MID1: variants seen among roughly 807,000 people sequenced by gnomAD.
MID1 encodes E3 ubiquitin-protein ligase Midline-1.
Under a neutral mutation model 40.4 loss-of-function variants are expected in MID1, and 7 were observed. That is an observed-to-expected ratio of 0.17 (90% CI 0.10 to 0.33). MID1 has a LOEUF of 0.33. Among genes scored for constraint, MID1 ranks in the 10% least tolerant of loss-of-function variants. The probability of loss-of-function intolerance (pLI) is 1.00; values close to 1 mark genes in which losing one functional copy is unlikely to be tolerated. For missense variants in MID1, 367 were observed against 558.5 expected (o/e 0.66, Z 3.46); for synonymous variants, 229 against 221.2 (o/e 1.04, Z -0.31).
intron 1 of MID1, among the ~76,000 whole-genome samples, chrX:10,589,104 C>G (rs1303311953): frequency 2.7e-5 from 3 of 112,026 alleles, no homozygotes; most frequent in Non-Finnish European, 5.6e-5. Context: ...CACACACACA[C>G]TTTTGCAGTT....
intron 4 of MID1, among the ~76,000 whole-genome samples, chrX:10,490,872 T>C (rs1930908096): frequency 8.9e-6 from 1 of 112,301 alleles, no homozygotes; most frequent in South Asian, 3.7e-4. Context: ...TCTTCTGCTT[T>C]TAAATTTTTG....
In MID1 at chrX:10,726,654, C is replaced by T. The variant is rs775665351; in HGVS notation, c.-186-106235G>A. ...TTTAGAAAAGGATGGCATAACAGAA[C>T]CAAGTCCAAGAACAGCAGGGTTTAC... On this transcript the variant is annotated intron_variant, in intron 1 of 10. Coordinates refer to the MID1 transcript ENST00000380785. Among the ~76,000 whole-genome samples, 363 of 112,478 alleles carry T rather than the reference C, an allele frequency of 3.2e-3. 1 individual carries two copies. The highest frequency in any genetic ancestry group is 6.1e-3 in the Non-Finnish European group (327 of 53,301).
chrX:10,479,532 C>T (rs181607135), intron 5 of MID1, among the ~76,000 whole-genome samples: 34 of 110,909 alleles, frequency 3.1e-4, no homozygotes, highest in African/African-American at 1.0e-3. Context: ...CATCCTTCTA[C>T]TCTCTATGTC....
At chrX:10,474,530 A>G in intron 6 of MID1, 93 bp downstream of exon 6, 4 of 950,959 alleles carry the variant, frequency 4.2e-6, no homozygotes, top group Non-Finnish European at 3.0e-6. Flanking sequence ...TCAAAAGCCC[A>G]TTCCTCTGGT....
chrX:10,810,726 T>C lies in MID1; in HGVS notation c.-187+22828A>G, dbSNP rs867700932. Among the ~76,000 whole-genome samples the C allele has an allele frequency of 5.4e-5, 4 of 74,434 alleles. No homozygotes were observed. In the South Asian group the frequency reaches 2.1e-3, roughly 39 times the overall value. The allele number at this position is 74,434 out of a possible 115,157, so 64.6% of individuals were successfully genotyped here. A position where few individuals can be genotyped will look rare whatever the true frequency, so the allele number is the denominator to read the frequency against. On this transcript the variant is annotated intron_variant, in intron 1 of 10. Transcript: ENST00000380785. Reference sequence around the variant, plus strand: ...TGTGTGTGTGTGTGTGTGTGTGTGTTTGATAGTAGCCATGCCATTGGGTGT... The same window carrying C: ...TGTGTGTGTGTGTGTGTGTGTGTGTCTGATAGTAGCCATGCCATTGGGTGT...
In MID1 at chrX:10,738,960, A is replaced by C. The variant is rs189494383; in HGVS notation, c.-187+94594T>G. On this transcript the variant is annotated intron_variant, in intron 1 of 10. Transcript: ENST00000380785. Reference sequence around the variant, plus strand: ...TTTTCTACTAAAGGCAAAAAAAAAAAAAAGAAAGAAAGAAAGAAAGAAAAA... The same window carrying C: ...TTTTCTACTAAAGGCAAAAAAAAAACAAAGAAAGAAAGAAAGAAAGAAAAA... Among the ~76,000 whole-genome samples, 222 of 110,030 alleles carry C rather than the reference A, an allele frequency of 2.0e-3. 1 individual carries two copies. The highest frequency in any genetic ancestry group is 7.0e-3 in the African/African-American group (213 of 30,380).
At position 10,728,680 on chromosome X, in the gene MID1, C is replaced by T. The variant is rs2043417950; in HGVS notation, c.-187+104874G>A. ...TGGAGATGTTTGTGCAGCACATGCTCATTACTATGTCTGGCCCAAGTCAAT... is the reference window on the plus strand; with the variant it reads ...TGGAGATGTTTGTGCAGCACATGCTTATTACTATGTCTGGCCCAAGTCAAT... On this transcript the variant is annotated intron_variant, in intron 1 of 10. Coordinates refer to the MID1 transcript ENST00000380785. Among the ~76,000 whole-genome samples the T allele has an allele frequency of 4.5e-5, 5 of 111,765 alleles. No homozygotes were observed. The Admixed American group carries it at 4.8e-4, about 11-fold the overall frequency.
intron 1 of MID1, among the ~76,000 whole-genome samples, chrX:10,701,296 A>C (rs760419035): frequency 2.4e-4 from 27 of 112,037 alleles, no homozygotes; most frequent in Non-Finnish European, 4.9e-4. Flanking sequence ...GAAGATGTGC[A>C]AAAGTGGTGA....
intron 1 of MID1, among the ~76,000 whole-genome samples, chrX:10,730,633 A>G (rs999984299): frequency 2.6e-4 from 25 of 96,502 alleles, no homozygotes; most frequent in Non-Finnish European, 3.4e-4. Flanking sequence ...GTGCAGTGGC[A>G]CGATCTCGGC....
At chrX:10,453,057 T>A (rs1928442564) in intron 9 of MID1, among the ~76,000 whole-genome samples, 1 of 112,093 alleles carries the variant, frequency 8.9e-6, no homozygotes, top group Non-Finnish European at 1.9e-5. Context: ...CCACTGCAGC[T>A]AAAAATTGCA....
intron 2 of MID1, among the ~76,000 whole-genome samples, chrX:10,525,351 GTTCT>G (rs1832053073): frequency 9.0e-6 from 1 of 111,673 alleles, no homozygotes; most frequent in South Asian, 3.7e-4. Flanking sequence ...TTTCTAGTAG[GTTCT>G]TTATCACATC....
chrX:10,821,296 T>C (rs766097771), intron 1 of MID1, among the ~76,000 whole-genome samples: 1 of 112,220 alleles, frequency 8.9e-6, no homozygotes, highest in East Asian at 2.8e-4. Context: ...AGCCAACCTT[T>C]TCTGGAACAC....
chrX:10,823,697 A>G (rs1303027866), intron 1 of MID1, among the ~76,000 whole-genome samples: 2 of 110,774 alleles, frequency 1.8e-5, no homozygotes, highest in Non-Finnish European at 3.8e-5. Context: ...ATAAATATGA[A>G]CAGTGTTGCT....
intron 1 of MID1, among the ~76,000 whole-genome samples, chrX:10,645,802 A>T (rs1219624518): frequency 9.0e-6 from 1 of 111,467 alleles, no homozygotes; most frequent in Non-Finnish European, 1.9e-5. Flanking sequence ...CTTGATTCCT[A>T]CCTTGAGGCT....
chrX:10,772,384 A>G (rs1325238706), intron 1 of MID1, among the ~76,000 whole-genome samples: 1 of 109,960 alleles, frequency 9.1e-6, no homozygotes, highest in Non-Finnish European at 1.9e-5. Context: ...CATAAGAATG[A>G]CACAATGGAC....
chrX:10,621,980 A>G (rs1431309551), upstream of MID1, among the ~76,000 whole-genome samples: 1 of 103,431 alleles, frequency 9.7e-6, no homozygotes, highest in Non-Finnish European at 2.0e-5. Context: ...GTGATGACCA[A>G]TAATGTCTCC....
chrX:10,641,174 C>T (rs1171486111), intron 1 of MID1, among the ~76,000 whole-genome samples: 2 of 111,527 alleles, frequency 1.8e-5, no homozygotes, highest in Non-Finnish European at 3.8e-5. Flanking sequence ...CAGAGCAGAA[C>T]TGAAGAACTA....
intron 1 of MID1, among the ~76,000 whole-genome samples, chrX:10,783,580 T>C (rs2043860763): frequency 8.9e-6 from 1 of 111,783 alleles, no homozygotes; most frequent in Non-Finnish European, 1.9e-5. Context: ...AACCATGTAA[T>C]TGAATTAAAT....
chrX:10,636,277 C>T (rs939420398), intron 1 of MID1, among the ~76,000 whole-genome samples: 2 of 111,851 alleles, frequency 1.8e-5, no homozygotes, highest in Non-Finnish European at 3.8e-5. Context: ...TTTCTCTTTC[C>T]ACCCTGACCA....
Sources: gnomAD v4.1 joint callset for allele counts (sites outside exome capture counted in the v4.1 genomes callset) on GRCh38, gnomAD v4.1.1 for gene constraint, MANE v1.5 for transcripts, NCBI Gene and HGNC (gene_info 2026-07-23, HGNC 2026-07-21) for gene names.